Variants in PCDHGA11 observed in about 807,000 individuals in gnomAD.
The protein encoded by PCDHGA11 is protocadherin gamma-A11.
PCDHGA11 carries 39 observed loss-of-function variants against 60.4 expected under a neutral mutation model. The ratio of observed to expected loss-of-function variants is 0.65; its 90% CI spans 0.50 to 0.84. The LOEUF is 0.84. PCDHGA11 is among the 40% of genes least tolerant of loss of function. PCDHGA11 has a pLI of 0.00. For synonymous variants in PCDHGA11, 533 were observed against 510.3 expected (o/e 1.04, Z -0.60); for missense variants, 1,165 against 1,197.7 (o/e 0.97, Z 0.40).
At chr5:141,446,132 TA>T (rs1252851903) in intron 1 of PCDHGA11, among the ~76,000 whole-genome samples, 1 of 152,204 alleles carries the variant, frequency 6.6e-6, no homozygotes, top group African/African-American at 2.4e-5. Context: ...CAATAAGACT[TA>T]ATAATGGAAT....
At chr5:141,426,834 A>G (rs1561824131) in intron 1 of PCDHGA11, 1 of 456,724 alleles carries the variant, frequency 2.2e-6, no homozygotes, top group South Asian at 1.5e-5. Flanking sequence ...GATGGACAAG[A>G]CTAAAGGCAA....
rs1561793348 is a variant in PCDHGA11 at position 141,421,355 on chromosome 5, G to C, written c.128G>C (p.Gly43Ala). 6.2e-7 allele frequency: 1 copy of C among 1,613,990 alleles called. No individual in the cohort carries two copies. Residue 43 changes from glycine (G) to alanine (A), a missense_variant, in exon 1 of 4, where the codon GGC (glycine) becomes GCC (alanine). By Grantham distance (60) the Gly-to-Ala change is moderately conservative (BLOSUM62 0). Transcript: ENST00000398587. ...RYSVPEETEK[G>A]SFVGNISKDL... ...TCGGTGCCAGAAGAGACCGAAAAGG[G>C]CTCCTTCGTGGGCAATATCTCCAAG...
intron 1 of PCDHGA11, chr5:141,428,075 A>G (rs1427780901): frequency 5.0e-6 from 8 of 1,609,154 alleles, no homozygotes; most frequent in Non-Finnish European, 4.2e-6. Context: ...CAGATTCGGG[A>G]CACAACGCTT....
In PCDHGA11 at chr5:141,512,394, C is replaced by A. The variant is rs750967336; in HGVS notation, c.*1221C>A. 1 of 152,706 alleles carries A rather than the reference C, an allele frequency of 6.5e-6. No homozygotes were observed. The highest frequency in any genetic ancestry group is 1.5e-5 in the Non-Finnish European group (1 of 68,084). The allele number at this position is 152,706 out of a possible 1,614,324, so 9.5% of individuals were successfully genotyped here. ...GACCAAATGAACAGAAAGTCTCAGC[C>A]CAGGATGGGGCTTCTTCAACAGGGC... is the stretch of plus-strand genomic sequence containing the variant. On this transcript the variant is annotated 3_prime_UTR_variant, in exon 4 of 4. Transcript: ENST00000398587.
At chr5:141,478,498 G>A in intron 1 of PCDHGA11, 8 of 1,612,712 alleles carry the variant, frequency 5.0e-6, no homozygotes, top group South Asian at 1.1e-5. Context: ...GCTGTGATCC[G>A]GTGTTCTATA....
chr5:141,460,983 G>A (rs12516231), intron 1 of PCDHGA11, among the ~76,000 whole-genome samples: 37,603 of 137,412 alleles, frequency 0.27, 5,103 homozygotes, highest in Admixed American at 0.34. Flanking sequence ...GTGTGTGTGT[G>A]TATATATATA....
At position 141,485,682 on chromosome 5, in the gene PCDHGA11, A is replaced by T. The variant is rs779441999; in HGVS notation, c.2434-9125A>T. 6.2e-7 allele frequency: 1 copy of T among 1,613,958 alleles called. No individual in the cohort carries two copies. Among genetic ancestry groups the T allele is most frequent in the Non-Finnish European group, 8.5e-7 (1 of 1,179,972 alleles). On this transcript the variant is annotated intron_variant, in intron 1 of 3. Transcript: ENST00000398587. This position sits in a 1 kb window ranked among gnomAD's most constrained non-coding sequence, Gnocchi z 5.7. ...GTGGGGAGCAATTCGATTAGCAGCT[A>T]TAGGCTGAGCTCCAATGAACACTTT...
chr5:141,487,001 C>T lies in PCDHGA11; in HGVS notation c.2434-7806C>T. ...TTACAATGCTTGGGTTTCCTATCAG[C>T]TCCTGGAGGCCCCAGATCCCAGCCT... On this transcript the variant is annotated intron_variant, in intron 1 of 3. Transcript: ENST00000398587. This position sits in a 1 kb window ranked among gnomAD's most constrained non-coding sequence, Gnocchi z 5.0. 6.2e-7 allele frequency: 1 copy of T among 1,614,218 alleles called. No individual in the cohort carries two copies. The highest frequency in any genetic ancestry group is 8.5e-7 in the Non-Finnish European group (1 of 1,180,038).
At chr5:141,451,060 C>T (rs1241509553) in intron 1 of PCDHGA11, among the ~76,000 whole-genome samples, 1 of 151,562 alleles carries the variant, frequency 6.6e-6, no homozygotes, top group African/African-American at 2.4e-5. Context: ...GAACTCCTGA[C>T]CTTGTGATCC....
rs1185679701 is a variant in PCDHGA11, at chr5:141,511,384, G to A, written c.*211G>A. On this transcript the variant is annotated 3_prime_UTR_variant, in exon 4 of 4. Coordinates refer to ENST00000398587, the MANE Select transcript of PCDHGA11 (RefSeq NM_018914.3). ...TTGAATATGCAAAAGCAGTTCCGCT[G>A]GGAACCCCCATCCAATCAACTGCTG... is the stretch of plus-strand genomic sequence containing the variant. 3.5e-6 allele frequency: 4 copies of A among 1,154,490 alleles called. No homozygotes were observed. Among genetic ancestry groups the A allele is most frequent in the Admixed American group, 2.9e-5 (1 of 34,748 alleles). 71.5% of individuals were successfully genotyped at this position (1,154,490 alleles called of 1,614,324 possible). A position where few individuals can be genotyped will look rare whatever the true frequency, so the allele number is the denominator to read the frequency against.
intron 2 of PCDHGA11, among the ~76,000 whole-genome samples, chr5:141,504,999 T>C (rs1278633184): frequency 6.6e-6 from 1 of 152,000 alleles, no homozygotes; most frequent in African/African-American, 2.4e-5. Context: ...CCGTCTGTAC[T>C]AAAAATACAA....
chr5:141,478,164 C>T, intron 1 of PCDHGA11: 1 of 1,614,010 alleles, frequency 6.2e-7, no homozygotes, highest in Non-Finnish European at 8.5e-7. Context: ...GGCTCTGCCC[C>T]CCGGGAGCAG....
chr5:141,506,847 T>C lies in PCDHGA11; in HGVS notation c.2581+1366T>C, dbSNP rs146737657. ...GAACTGATAGCCCTGCCCTCCAGCA[T>C]GTCTGGAGGACTGGTGGGTAGAGAA... On this transcript the variant is annotated intron_variant, in intron 3 of 3. Coordinates refer to ENST00000398587, the MANE Select transcript of PCDHGA11 (RefSeq NM_018914.3). 3.7e-3 allele frequency among the ~76,000 whole-genome samples: 564 copies of C among 152,318 alleles called. 5 individuals are homozygous for C. Among genetic ancestry groups the C allele is most frequent in the Admixed American group, 0.011 (164 of 15,302 alleles).
Position 141,486,862 on chromosome 5 carries a change from A to G in PCDHGA11, c.2434-7945A>G. The G allele has an allele frequency of 6.2e-7, 1 of 1,614,256 alleles. No individual in the cohort carries two copies. The highest frequency in any genetic ancestry group is 1.3e-5 in the African/African-American group (1 of 75,078). On this transcript the variant is annotated intron_variant, in intron 1 of 3. Transcript: ENST00000398587. This position sits in a 1 kb window ranked among gnomAD's most constrained non-coding sequence, Gnocchi z 5.0. Reference sequence around the variant, plus strand: ...TGCTGGACCTCAATGACAATGCTCCAGCTGTGCTCCGTCCTCGGGCCCGGC... The same window carrying G: ...TGCTGGACCTCAATGACAATGCTCCGGCTGTGCTCCGTCCTCGGGCCCGGC...
At chr5:141,467,768 C>T (rs2099151160) in intron 1 of PCDHGA11, among the ~76,000 whole-genome samples, 2 of 151,794 alleles carry the variant, frequency 1.3e-5, no homozygotes, top group African/African-American at 2.4e-5. Flanking sequence ...CTCAAGTGCC[C>T]GCACCTCAGC....
intron 1 of PCDHGA11, among the ~76,000 whole-genome samples, chr5:141,479,965 T>C (rs2099510479): frequency 6.6e-6 from 1 of 152,234 alleles, no homozygotes; most frequent in East Asian, 1.9e-4. Context: ...GTTAGTCAAA[T>C]GAGGTTCTAC....
Position 141,476,540 on chromosome 5 carries a change from T to C in PCDHGA11, c.2434-18267T>C, listed in dbSNP as rs148362631. On this transcript the variant is annotated intron_variant, in intron 1 of 3. Coordinates refer to ENST00000398587, the MANE Select transcript of PCDHGA11 (RefSeq NM_018914.3). The surrounding 1 kb of genome is among the most constrained non-coding windows in gnomAD (Gnocchi z 7.6). Reference sequence around the variant, plus strand: ...TGCTTTCCCTACCCAGGAAATGAAATTGGAGATTAGCGAGGCCGTGGCTCC... The same window carrying C: ...TGCTTTCCCTACCCAGGAAATGAAACTGGAGATTAGCGAGGCCGTGGCTCC... 9.4e-5 allele frequency: 151 copies of C among 1,614,122 alleles called. 1 individual carries two copies. In the African/African-American group the frequency reaches 1.3e-3, roughly 14 times the overall value.
rs980196319 is a variant in PCDHGA11 at position 141,511,604 on chromosome 5, A to C, written c.*431A>C. 3 of 248,420 alleles carry C rather than the reference A, an allele frequency of 1.2e-5. No individual in the cohort carries two copies. Among genetic ancestry groups the C allele is most frequent in the African/African-American group, 6.6e-5 (3 of 45,596 alleles). The allele number at this position is 248,420 out of a possible 1,614,324, so 15.4% of individuals were successfully genotyped here. Reference sequence around the variant, plus strand: ...GGTGTTGAAGTACCAAGTAACCTACAAGCCTCCTAGTTCTGAAAAGTTGGA... The same window carrying C: ...GGTGTTGAAGTACCAAGTAACCTACCAGCCTCCTAGTTCTGAAAAGTTGGA... On this transcript the variant is annotated 3_prime_UTR_variant, in exon 4 of 4. Coordinates refer to ENST00000398587, the MANE Select transcript of PCDHGA11 (RefSeq NM_018914.3).
intron 1 of PCDHGA11, among the ~76,000 whole-genome samples, chr5:141,461,711 C>A (rs897443905): frequency 1.3e-5 from 2 of 152,112 alleles, no homozygotes; most frequent in African/African-American, 2.4e-5. Flanking sequence ...ACTTTTTTTG[C>A]CCAGGCTGGA....
Sources: gnomAD v4.1 joint callset for allele counts (sites outside exome capture counted in the v4.1 genomes callset) on GRCh38, gnomAD v4.1.1 for gene constraint, Gnocchi (gnomAD v3.1) non-coding constraint, MANE v1.5 for transcripts, NCBI Gene and HGNC (gene_info 2026-07-23, HGNC 2026-07-21) for gene names.